The following IL15 variants were observed in gnomAD, a reference collection of about 807,000 sequenced individuals.
The protein encoded by IL15 is interleukin-15.
IL15 carries 11 observed loss-of-function variants against 19.6 expected under a neutral mutation model. The observed-to-expected ratio is 0.56, with a 90% CI of 0.35 to 0.93. IL15 has a LOEUF of 0.93. Among genes scored for constraint, IL15 ranks in the 40% least tolerant of loss-of-function variants. The pLI is 0.01. For synonymous variants in IL15, 58 were observed against 59.6 expected, an observed-to-expected ratio of 0.97 and a Z score of 0.12; for missense variants, 197 against 186.5, an observed-to-expected ratio of 1.06 and a Z score of -0.33.
At chr4:141,719,527 G>A (rs764936232) in intron 3 of IL15, 51 bp downstream of exon 3, 16 of 1,346,902 alleles carry the variant, frequency 1.2e-5, no homozygotes, top group Middle Eastern at 3.6e-4. Context: ...CTTAAAGGTC[G>A]TCTGAATCTC....
chr4:141,679,967 A>G (rs1467329670), intron 2 of IL15, among the ~76,000 whole-genome samples: 1 of 152,210 alleles, frequency 6.6e-6, no homozygotes. Context: ...TTCTGGCAAT[A>G]AAGTTTGGAA....
chr4:141,717,099 G>T (rs1209207712), intron 2 of IL15: 2 of 152,100 alleles, frequency 1.3e-5, no homozygotes, highest in East Asian at 1.9e-4. Flanking sequence ...TAGATAACTC[G>T]ATTAACTAGA....
At chr4:141,728,632 G>T (rs1730347220) in intron 6 of IL15, among the ~76,000 whole-genome samples, 1 of 152,024 alleles carries the variant, frequency 6.6e-6, no homozygotes, top group East Asian at 1.9e-4. Context: ...TCACGTCAGG[G>T]AAAACAAACT....
chr4:141,645,547 A>G (rs1240994405), intron 1 of IL15, among the ~76,000 whole-genome samples: 1 of 152,166 alleles, frequency 6.6e-6, no homozygotes, highest in Admixed American at 6.6e-5. Context: ...CTTCACTAAC[A>G]GGGTCCTTGC....
intron 4 of IL15, chr4:141,721,514 T>C: frequency 5.6e-6 from 3 of 536,770 alleles, no homozygotes; most frequent in Non-Finnish European, 1.1e-5. Flanking sequence ...AAAATGATTA[T>C]TACTCATTTT....
rs147260839 is a variant in IL15, at chr4:141,676,322, G to A, written c.-100+20015G>A. Among the ~76,000 whole-genome samples, 31 of 152,236 alleles carry A rather than the reference G, an allele frequency of 2.0e-4. 2 individuals are homozygous for A. In the East Asian group the frequency reaches 5.6e-3, roughly 28 times the overall value. ...GCTTTTACAAGACAACCTGGACAAT[G>A]AGAAGCCCTATTCTGCATTTGTTTT... On this transcript the variant is annotated intron_variant, in intron 2 of 7. Transcript: ENST00000320650.
chr4:141,732,837 A>C lies in IL15; in HGVS notation c.478A>C (p.Asn160His). ...TGTACATATTGTCCAAATGTTCATC[A>C]ACACTTCTTGATTGCAATTGATTCT... ...SFVHIVQMFI[N>H]TS The change falls in exon 8 of 8, where the codon AAC becomes CAC. Residue 160 changes from asparagine to histidine, a missense_variant. By Grantham distance (68) the Asn-to-His change is moderately conservative. Transcript: ENST00000320650. The C allele has an allele frequency of 6.2e-7, 1 of 1,608,658 alleles. No individual in the cohort carries two copies. Among genetic ancestry groups the C allele is most frequent in the Admixed American group, 1.7e-5 (1 of 58,820 alleles).
intron 2 of IL15, among the ~76,000 whole-genome samples, chr4:141,700,100 G>A (rs900128904): frequency 1.3e-5 from 2 of 151,938 alleles, no homozygotes; most frequent in African/African-American, 4.8e-5. Flanking sequence ...TGTATTTTTA[G>A]TACAGATAGG....
At chr4:141,639,730 C>T (rs970590924) in intron 1 of IL15, among the ~76,000 whole-genome samples, 2 of 152,156 alleles carry the variant, frequency 1.3e-5, no homozygotes, top group African/African-American at 2.4e-5. Flanking sequence ...TTCTTTTGCT[C>T]GATATTAGCT....
chr4:141,697,737 G>A (rs1313428643), intron 2 of IL15, among the ~76,000 whole-genome samples: 1 of 151,676 alleles, frequency 6.6e-6, no homozygotes, highest in African/African-American at 2.4e-5. Flanking sequence ...CCTTAGTTAG[G>A]TATATTCCTT....
intron 2 of IL15, among the ~76,000 whole-genome samples, chr4:141,706,426 C>T (rs1729516697): frequency 6.6e-6 from 1 of 152,018 alleles, no homozygotes; most frequent in Non-Finnish European, 1.5e-5. Context: ...TTGATTTAAA[C>T]CTTCATACTA....
chr4:141,689,893 C>T (rs563996882), intron 2 of IL15, among the ~76,000 whole-genome samples: 131 of 152,286 alleles, frequency 8.6e-4, no homozygotes, highest in African/African-American at 1.6e-3. Flanking sequence ...TGGGACTGGG[C>T]GCCGTGGAGC....
chr4:141,692,960 A>G (rs1027038321), intron 2 of IL15, among the ~76,000 whole-genome samples: 3 of 140,474 alleles, frequency 2.1e-5, no homozygotes, highest in Non-Finnish European at 4.5e-5. Flanking sequence ...CAAAGGTACT[A>G]CCTGAGCGCC....
chr4:141,678,992 T>C (rs974779061), intron 2 of IL15, among the ~76,000 whole-genome samples: 2 of 152,260 alleles, frequency 1.3e-5, no homozygotes, highest in African/African-American at 4.8e-5. Flanking sequence ...AATTTCTTTG[T>C]TAACAGCTTT....
chr4:141,691,697 C>T (rs1728916930), intron 2 of IL15, among the ~76,000 whole-genome samples: 1 of 152,190 alleles, frequency 6.6e-6, no homozygotes, highest in South Asian at 2.1e-4. Context: ...ATATCCTGGG[C>T]AGGCTAATGC....
At chr4:141,658,098 A>G (rs1446611540) in intron 2 of IL15, among the ~76,000 whole-genome samples, 1 of 152,122 alleles carries the variant, frequency 6.6e-6, no homozygotes, top group African/African-American at 2.4e-5. Flanking sequence ...AGGTAATCAG[A>G]TCATGGGGCA....
chr4:141,662,318 G>A (rs184922078), intron 2 of IL15, among the ~76,000 whole-genome samples: 5 of 152,244 alleles, frequency 3.3e-5, no homozygotes, highest in Admixed American at 6.5e-5. Flanking sequence ...CCGCAATGAC[G>A]GTGAATTTGC....
intron 2 of IL15, among the ~76,000 whole-genome samples, chr4:141,696,063 T>C (rs765358137): frequency 1.3e-5 from 2 of 152,162 alleles, no homozygotes; most frequent in Non-Finnish European, 2.9e-5. Flanking sequence ...TATTTTCTTC[T>C]GGTAGTTTCA....
At position 141,640,930 on chromosome 4, in the gene IL15, A is replaced by G. The variant is rs372071526; in HGVS notation, c.-222+4182A>G. Among the ~76,000 whole-genome samples the G allele has an allele frequency of 2.6e-5, 4 of 152,322 alleles. No homozygotes were observed. The East Asian group carries it at 7.7e-4, about 29-fold the overall frequency. On this transcript the variant is annotated intron_variant, in intron 1 of 7. Coordinates refer to ENST00000320650, the MANE Select transcript of IL15 (RefSeq NM_000585.5). ...AATGGTTGTAGAACAGGAAAATATGATGGTTGTAAGGTTGATGGCGGTGGT... is the reference window on the plus strand; with the variant it reads ...AATGGTTGTAGAACAGGAAAATATGGTGGTTGTAAGGTTGATGGCGGTGGT...
Sources: allele counts gnomAD v4.1 joint callset (sites outside exome capture counted in the v4.1 genomes callset), GRCh38; gene constraint gnomAD v4.1.1; transcripts MANE v1.5; gene names NCBI Gene and HGNC (gene_info 2026-07-23, HGNC 2026-07-21).